The following SNTB1 variants were observed in gnomAD, a reference collection of about 807,000 sequenced individuals.
The protein encoded by SNTB1 is syntrophin beta 1, also known as beta-1-syntrophin.
Under a neutral mutation model 48.9 loss-of-function variants are expected in SNTB1, and 36 were observed. That is an observed-to-expected ratio of 0.74 (90% CI 0.56 to 0.97). The LOEUF is 0.97. Ranked by LOEUF, SNTB1 falls within the 50% of genes least tolerant of loss-of-function variation. The pLI, the probability that SNTB1 is intolerant of heterozygous loss-of-function variation, is 0.00. For missense variants in SNTB1, 786 were observed against 703.4 expected, an observed-to-expected ratio of 1.12 and a Z score of -1.33; for synonymous variants, 299 against 294.6, an observed-to-expected ratio of 1.01 and a Z score of -0.15.
intron 2 of SNTB1, among the ~76,000 whole-genome samples, chr8:120,645,528 T>A (rs1299872037): frequency 6.6e-6 from 1 of 151,230 alleles, no homozygotes; most frequent in Non-Finnish European, 1.5e-5. Context: ...TCTATATCTC[T>A]GTTTTGGTAC....
intron 1 of SNTB1, among the ~76,000 whole-genome samples, chr8:120,732,574 C>T (rs73321301): frequency 0.13 from 19,996 of 152,210 alleles, 1,718 homozygotes; most frequent in African/African-American, 0.24. Context: ...TGCAGGCGGC[C>T]ACTCAATAGA....
At chr8:120,574,951 G>T (rs1404479235) in intron 4 of SNTB1, 135 bp downstream of exon 4, 10 of 1,015,420 alleles carry the variant, frequency 9.8e-6, no homozygotes, top group Non-Finnish European at 1.0e-5. Context: ...GGCTAAAAAT[G>T]TGTGGCTATA....
chr8:120,561,771 C>T (rs912804603), intron 4 of SNTB1, among the ~76,000 whole-genome samples: 5 of 152,146 alleles, frequency 3.3e-5, no homozygotes, highest in Non-Finnish European at 2.9e-5. Context: ...GCTCTTATAA[C>T]ACTCGGCTTT....
intron 4 of SNTB1, among the ~76,000 whole-genome samples, chr8:120,569,051 G>A (rs1423710720): frequency 6.6e-6 from 1 of 152,132 alleles, no homozygotes; most frequent in Non-Finnish European, 1.5e-5. Context: ...GCGCGATCTC[G>A]GCTCACTGCA....
At chr8:120,571,186 G>A in intron 4 of SNTB1, 1 of 1,230,948 alleles carries the variant, frequency 8.1e-7, no homozygotes. Flanking sequence ...TTATTTTCAT[G>A]TTGCCTGAGA....
chr8:120,553,038 C>T (rs1478889380), intron 4 of SNTB1, among the ~76,000 whole-genome samples: 1 of 152,086 alleles, frequency 6.6e-6, no homozygotes, highest in Non-Finnish European at 1.5e-5. Flanking sequence ...CAATGGGGAG[C>T]GCTGTAAATA....
intron 3 of SNTB1, among the ~76,000 whole-genome samples, chr8:120,631,180 T>C (rs538656279): frequency 6.6e-6 from 1 of 152,024 alleles, no homozygotes; most frequent in Non-Finnish European, 1.5e-5. Flanking sequence ...AAGTGGGGAG[T>C]GATAGAGACG....
chr8:120,694,525 A>T (rs1168310693), intron 1 of SNTB1, among the ~76,000 whole-genome samples: 2 of 151,452 alleles, frequency 1.3e-5, no homozygotes, highest in African/African-American at 2.4e-5. Flanking sequence ...TATATCATTT[A>T]AAAAATGATA....
At chr8:120,711,993 G>T (rs1470719820) in intron 1 of SNTB1, among the ~76,000 whole-genome samples, 1 of 152,090 alleles carries the variant, frequency 6.6e-6, no homozygotes, top group Non-Finnish European at 1.5e-5. Flanking sequence ...TCCAAGAAAT[G>T]CTTCCTTCCA....
chr8:120,619,330 G>A (rs1436998638), intron 3 of SNTB1, among the ~76,000 whole-genome samples: 1 of 151,126 alleles, frequency 6.6e-6, no homozygotes, highest in Non-Finnish European at 1.5e-5. Context: ...GAGAGAGAGA[G>A]AAAGAGACAG....
intron 3 of SNTB1, among the ~76,000 whole-genome samples, chr8:120,611,050 T>C (rs1249740273): frequency 6.6e-6 from 1 of 152,204 alleles, no homozygotes; most frequent in Non-Finnish European, 1.5e-5. Flanking sequence ...GAGGTGGTGG[T>C]GGCAGTGGTT....
chr8:120,577,369 G>A (rs140527200), intron 3 of SNTB1, among the ~76,000 whole-genome samples: 125 of 152,268 alleles, frequency 8.2e-4, no homozygotes, highest in African/African-American at 2.8e-3. Flanking sequence ...TGTTGCTTTT[G>A]TAAAAGGACT....
chr8:120,794,080 C>T (rs532792688), intron 1 of SNTB1, among the ~76,000 whole-genome samples: 11 of 151,922 alleles, frequency 7.2e-5, no homozygotes, highest in South Asian at 4.1e-4. Flanking sequence ...CACATGGCTC[C>T]CTTCCCCTTC....
intron 1 of SNTB1, among the ~76,000 whole-genome samples, chr8:120,770,827 T>A (rs919872867): frequency 1.3e-5 from 2 of 152,138 alleles, no homozygotes; most frequent in African/African-American, 2.4e-5. Flanking sequence ...AAAAAATTTT[T>A]AAAAAGTACA....
chr8:120,617,609 AG>A (rs1253157871), intron 3 of SNTB1, among the ~76,000 whole-genome samples: 2 of 152,210 alleles, frequency 1.3e-5, no homozygotes, highest in African/African-American at 4.8e-5. Context: ...TATTTTCCAA[AG>A]GAACTTACGG....
At chr8:120,809,880 C>T (rs1820397226) in intron 1 of SNTB1, among the ~76,000 whole-genome samples, 1 of 152,170 alleles carries the variant, frequency 6.6e-6, no homozygotes, top group African/African-American at 2.4e-5. Context: ...GAGGATTTCT[C>T]TGCATTGTGG....
chr8:120,757,171 T>C (rs79817059), intron 1 of SNTB1, among the ~76,000 whole-genome samples: 5,188 of 152,256 alleles, frequency 0.034, 316 homozygotes, highest in African/African-American at 0.12. Flanking sequence ...CTCAAGGTCA[T>C]ACTTTTACTC....
chr8:120,643,615 A>G (rs746238183), intron 2 of SNTB1, among the ~76,000 whole-genome samples: 1 of 152,120 alleles, frequency 6.6e-6, no homozygotes, highest in Non-Finnish European at 1.5e-5. Flanking sequence ...TATATGACTG[A>G]GTAGTATTCT....
chr8:120,774,058 G>T (rs140122055), intron 1 of SNTB1, among the ~76,000 whole-genome samples: 1 of 152,186 alleles, frequency 6.6e-6, no homozygotes, highest in Non-Finnish European at 1.5e-5. Context: ...AGTGGAACAG[G>T]TTCTTAAGTT....
Sources: allele counts gnomAD v4.1 joint callset (sites outside exome capture counted in the v4.1 genomes callset), GRCh38; gene constraint gnomAD v4.1.1; transcripts MANE v1.5; gene names NCBI Gene and HGNC (gene_info 2026-07-23, HGNC 2026-07-21).